The following NCOR2 variants were observed in gnomAD, a reference collection of about 807,000 sequenced individuals.
NCOR2 encodes CTG repeat protein 26.
NCOR2 carries 81 observed loss-of-function variants against 262.9 expected under a neutral mutation model. The ratio of observed to expected loss-of-function variants is 0.31; its 90% confidence interval spans 0.26 to 0.37. The LOEUF (loss-of-function observed/expected upper bound fraction) is 0.37, where lower values mean the gene tolerates loss of function less well. Ranked by LOEUF, NCOR2 falls within the 10% of genes least tolerant of loss-of-function variation. The pLI is 1.00. For synonymous variants in NCOR2, 1,659 were observed against 1,559.3 expected (o/e 1.06, Z -1.51); for missense variants, 3,385 against 3,621.4 (o/e 0.93, Z 1.68).
intron 1 of NCOR2, among the ~76,000 whole-genome samples, chr12:124,541,526 G>A: frequency 4.2e-5 from 1 of 23,532 alleles, no homozygotes; most frequent in Non-Finnish European, 8.6e-5. Context: ...GGGGAGTGGA[G>A]ATGGAGAGGG....
intron 1 of NCOR2, among the ~76,000 whole-genome samples, chr12:124,526,172 C>T (rs1211525906): frequency 2.0e-5 from 3 of 152,154 alleles, no homozygotes; most frequent in Non-Finnish European, 4.4e-5. Context: ...TGGATTGCTC[C>T]AACCCCCAGG....
At chr12:124,554,827 G>A (rs2051832544) in intron 1 of NCOR2, among the ~76,000 whole-genome samples, 1 of 152,270 alleles carries the variant, frequency 6.6e-6, no homozygotes, top group Non-Finnish European at 1.5e-5. Context: ...GCTGAGCAGG[G>A]AGAAGCCAAG....
chr12:124,371,750 C>T (rs2039540355), intron 20 of NCOR2, among the ~76,000 whole-genome samples: 1 of 152,196 alleles, frequency 6.6e-6, no homozygotes, highest in South Asian at 2.1e-4. Flanking sequence ...CTGCCTGGCA[C>T]ACTCTCTCCC....
intron 17 of NCOR2, among the ~76,000 whole-genome samples, chr12:124,381,744 C>G (rs774638169): frequency 3.3e-5 from 5 of 152,210 alleles, no homozygotes; most frequent in Non-Finnish European, 5.9e-5. Flanking sequence ...AGATTAACAG[C>G]AGAAAACAAG....
intron 2 of NCOR2, among the ~76,000 whole-genome samples, chr12:124,485,863 C>T (rs553341925): frequency 1.3e-5 from 2 of 152,178 alleles, no homozygotes; most frequent in African/African-American, 4.8e-5. Context: ...GGAGAAAGAA[C>T]GTGGCCTACC....
exon 23 of NCOR2, chr12:124,356,726 G>A: frequency 6.7e-7 from 1 of 1,500,350 alleles, no homozygotes; most frequent in South Asian, 1.4e-5. Flanking sequence ...GGGAAGGGCA[G>A]GCCGGAAGTC....
chr12:124,429,600 G>A lies in NCOR2; in HGVS notation c.1149+13C>T. ...GAAAAGGAGCTGAGGCCAGAGTCAG[G>A]GCCTGGACTCACCTCCTGCTCTGAG... On this transcript the variant is annotated intron_variant, in intron 10 of 46. Transcript: ENST00000405201. 1.3e-6 allele frequency: 2 copies of A among 1,588,978 alleles called. No individual in the cohort carries two copies. The highest frequency in any genetic ancestry group is 1.7e-6 in the Non-Finnish European group (2 of 1,166,926).
intron 24 of NCOR2, 69 bp downstream of exon 26, chr12:124,355,363 T>C: frequency 2.6e-6 from 4 of 1,557,334 alleles, no homozygotes; most frequent in African/African-American, 1.4e-5. Flanking sequence ...TCAGACTTCA[T>C]TGGTCCCATT....
intron 16 of NCOR2, among the ~76,000 whole-genome samples, chr12:124,393,356 G>A (rs769179045): frequency 5.3e-5 from 8 of 152,218 alleles, no homozygotes; most frequent in South Asian, 2.1e-4. Flanking sequence ...CCCCAGGGCA[G>A]GCAGCCACAG....
intron 10 of NCOR2, among the ~76,000 whole-genome samples, chr12:124,428,932 C>T (rs998520238): frequency 6.6e-6 from 1 of 152,136 alleles, no homozygotes; most frequent in Non-Finnish European, 1.5e-5. Context: ...CCACAGGACC[C>T]GGGAGGGAAC....
chr12:124,508,638 C>G (rs2049189836), intron 1 of NCOR2, among the ~76,000 whole-genome samples: 1 of 152,200 alleles, frequency 6.6e-6, no homozygotes, highest in African/African-American at 2.4e-5. Context: ...TGTTCCAGAC[C>G]CTGCTGGAAC....
intron 13 of NCOR2, among the ~76,000 whole-genome samples, chr12:124,407,040 C>G (rs567628177): frequency 4.6e-5 from 7 of 152,202 alleles, no homozygotes; most frequent in Admixed American, 4.6e-4. Context: ...TCCAAGGTCA[C>G]ACAGCATTTC....
chr12:124,343,160 T>C, exon 33 of NCOR2: 1 of 1,610,780 alleles, frequency 6.2e-7, no homozygotes, highest in Non-Finnish European at 8.5e-7. Context: ...GTGCGGGGAC[T>C]TGGCGATCTC....
At chr12:124,418,231 A>G (rs1030237925) in intron 13 of NCOR2, among the ~76,000 whole-genome samples, 12 of 152,170 alleles carry the variant, frequency 7.9e-5, no homozygotes, top group Non-Finnish European at 1.8e-4. Flanking sequence ...CCACAAACGC[A>G]GCCACCCTTC....
intron 12 of NCOR2, among the ~76,000 whole-genome samples, chr12:124,420,305 C>T (rs1209186352): frequency 2.0e-5 from 3 of 152,208 alleles, no homozygotes; most frequent in African/African-American, 2.4e-5. Flanking sequence ...GGGACGAGGC[C>T]TGGCCCAGAG....
chr12:124,363,688 G>A (rs1204793711), exon 21 of NCOR2: 2 of 1,390,586 alleles, frequency 1.4e-6, no homozygotes, highest in Non-Finnish European at 1.9e-6. Context: ...CGATGGGGGG[G>A]ATGGCAGCCG....
In NCOR2 at chr12:124,549,662, G is replaced by C. The variant is rs148926209; in HGVS notation, c.-164-14051C>G. 0.019 allele frequency among the ~76,000 whole-genome samples: 2,821 copies of C among 152,196 alleles called. 22 individuals carry two copies. The highest frequency in any genetic ancestry group is 0.029 in the Non-Finnish European group (1,939 of 67,992). ...CAACCCAGGAGGTAAATGCTATTAC[G>C]AACACCCTTCTCCAGATGGGGAAAC... On this transcript the variant is annotated intron_variant, in intron 1 of 32. Coordinates refer to the NCOR2 transcript ENST00000458234. This position sits in a 1 kb window ranked among gnomAD's most constrained non-coding sequence, Gnocchi z 4.4.
intron 1 of NCOR2, among the ~76,000 whole-genome samples, chr12:124,519,101 C>T (rs1692067): frequency 0.011 from 102 of 9,278 alleles, 1 homozygote; most frequent in Middle Eastern, 0.25. Flanking sequence ...CACACACACA[C>T]ACACACACAC....
At chr12:124,340,184 T>TGCCGCTGCC (rs869071827) in exon 37 of NCOR2, 1 of 1,608,718 alleles carries the variant, frequency 6.2e-7, no homozygotes, top group Non-Finnish European at 8.5e-7. Flanking sequence ...CCGCCGCTGC[T>TGCCGCTGCC]GCCGCTGCTC....
Sources: allele counts gnomAD v4.1 joint callset (sites outside exome capture counted in the v4.1 genomes callset), GRCh38; gene constraint gnomAD v4.1.1; non-coding constraint Gnocchi (gnomAD v3.1); transcripts MANE v1.5; gene names NCBI Gene and HGNC (gene_info 2026-07-23, HGNC 2026-07-21).